GMPS: variants seen among roughly 807,000 people sequenced by gnomAD.
The protein encoded by GMPS is GMP synthase [glutamine-hydrolyzing].
GMPS carries 15 observed loss-of-function variants against 77.9 expected under a neutral mutation model. That is an observed-to-expected ratio of 0.19 (90% CI 0.13 to 0.30). The LOEUF is 0.30. Ranked by LOEUF, GMPS falls within the 10% of genes least tolerant of loss-of-function variation. The pLI is 1.00. For missense variants in GMPS, 590 were observed against 838.8 expected (o/e 0.70, Z 3.66); for synonymous variants, 224 against 275.9 (o/e 0.81, Z 1.86).
intron 5 of GMPS, among the ~76,000 whole-genome samples, chr3:155,908,005 G>A (rs1754935025): frequency 6.6e-6 from 1 of 152,016 alleles, no homozygotes; most frequent in African/African-American, 2.4e-5. Flanking sequence ...TTGGGCCACT[G>A]CAATACTTTG....
At chr3:155,870,116 G>C (rs1297428151), upstream of GMPS, among the ~76,000 whole-genome samples, 2 of 152,204 alleles carry the variant, frequency 1.3e-5, no homozygotes, top group Non-Finnish European at 2.9e-5. Context: ...AACTTTTGAA[G>C]TATCTAAGTG....
At position 155,933,884 on chromosome 3, in the gene GMPS, T is replaced by C. The variant is rs1416213828; in HGVS notation, c.1677-1032T>C. On this transcript the variant is annotated intron_variant, in intron 13 of 15. Coordinates refer to ENST00000496455, the MANE Select transcript of GMPS (RefSeq NM_003875.3). ...TTGTTAAAATTGTCTGATTCTAATT[T>C]CCTCAAGTTATGTTCCAAACTGTAC... Among the ~76,000 whole-genome samples, 4 of 152,226 alleles carry C rather than the reference T, an allele frequency of 2.6e-5. No homozygotes were observed. The East Asian group carries it at 7.7e-4, about 29-fold the overall frequency.
chr3:155,916,144 C>T lies in GMPS; in HGVS notation c.1164C>T (p.Ile388=). Residue 388 remains isoleucine, a synonymous_variant, in exon 9 of 16, where the codon ATC becomes ATT. Coordinates refer to ENST00000496455, the MANE Select transcript of GMPS (RefSeq NM_003875.3). ...TTGCAAGTGGCAAAGCTGAACTCATCAAAACCCATCACAATGACACAGAGC... is the reference window on the plus strand; with the variant it reads ...TTGCAAGTGGCAAAGCTGAACTCATTAAAACCCATCACAATGACACAGAGC... The part of the protein sequence containing the change: ...SLVASGKAEL[I]KTHHNDTELI... The T allele has an allele frequency of 6.2e-7, 1 of 1,613,528 alleles. No individual in the cohort carries two copies. The highest frequency in any genetic ancestry group is 1.1e-5 in the South Asian group (1 of 91,060).
intron 5 of GMPS, among the ~76,000 whole-genome samples, chr3:155,908,194 TG>T (rs1754942578): frequency 1.3e-5 from 2 of 152,304 alleles, no homozygotes; most frequent in African/African-American, 4.8e-5. Context: ...TAGTGATAGA[TG>T]CAGGAGGAAG....
chr3:155,926,096 T>G, intron 12 of GMPS, among the ~76,000 whole-genome samples: 1 of 152,146 alleles, frequency 6.6e-6, no homozygotes, highest in Non-Finnish European at 1.5e-5. Flanking sequence ...ACTGTAGCCC[T>G]GAATTCCTGG....
intron 5 of GMPS, 122 bp from the exon 6 acceptor site, chr3:155,910,570 A>AAAG (rs1467725397): frequency 0.017 from 3,602 of 209,302 alleles, 2 homozygotes; most frequent in South Asian, 0.067. Context: ...CTCTGTCTCA[A>AAAG]AAAAAAAAAA....
Position 155,911,119 on chromosome 3 carries a change from A to C in GMPS, c.726A>C (p.Leu242Phe). ...ERVGTSKVLV[L>F]LSGGVDSTVC... ...TTTTTCATTTTACCCCGTAGGTTTT[A>C]CTCAGTGGTGGAGTAGACTCAACAG... Residue 242 changes from leucine to phenylalanine, a missense_variant, in exon 7 of 16, where the codon TTA (leucine) becomes TTC (phenylalanine). By Grantham distance (22) the Leu-to-Phe change is conservative (BLOSUM62 0). Around this residue, in one of 6 missense-constraint regions of GMPS, gnomAD observed 181 missense variants for 186.8 expected, o/e 0.97. Transcript: ENST00000496455. 6.3e-7 allele frequency: 1 copy of C among 1,594,692 alleles called. No individual in the cohort carries two copies. The highest frequency in any genetic ancestry group is 8.5e-7 in the Non-Finnish European group (1 of 1,173,000).
chr3:155,913,459 C>CT (rs1379499831), intron 7 of GMPS, among the ~76,000 whole-genome samples: 2 of 151,716 alleles, frequency 1.3e-5, no homozygotes, highest in Admixed American at 1.3e-4. Context: ...GGCTAAGCTT[C>CT]TTGCTGTGGC....
intron 7 of GMPS, among the ~76,000 whole-genome samples, chr3:155,911,964 G>A (rs1012763714): frequency 2.6e-5 from 4 of 152,156 alleles, no homozygotes; most frequent in Middle Eastern, 6.8e-3. Context: ...GCTTATTGTG[G>A]GAGAGGTAAA....
intron 2 of GMPS, among the ~76,000 whole-genome samples, chr3:155,894,361 G>C (rs12490114): frequency 0.055 from 8,286 of 152,026 alleles, 318 homozygotes; most frequent in East Asian, 0.18. Context: ...GTAGCTGGAA[G>C]TACAGGCGGA....
chr3:155,914,544 A>G lies in GMPS; in HGVS notation c.1012A>G (p.Lys338Glu), dbSNP rs1755123174. ...GACCACAAGTCCTGAAGAGAAAAGA[A>G]AAATCATTGGGGATACTTTTGTTAA... ...NMTTSPEEKR[K>E]IIGDTFVKIA... The change falls in exon 8 of 16, where the codon AAA (lysine) becomes GAA (glutamate). Residue 338 changes from lysine (K) to glutamate (E), a missense_variant. Coordinates refer to ENST00000496455, the MANE Select transcript of GMPS (RefSeq NM_003875.3). 1 of 1,587,908 alleles carries G rather than the reference A, an allele frequency of 6.3e-7. No homozygotes were observed. The highest frequency in any genetic ancestry group is 1.8e-5 in the Admixed American group (1 of 54,202).
chr3:155,891,198 A>AAT (rs1410128509), intron 1 of GMPS, among the ~76,000 whole-genome samples: 1 of 152,222 alleles, frequency 6.6e-6, no homozygotes, highest in African/African-American at 2.4e-5. Flanking sequence ...CCTTGGTATA[A>AAT]ACCATGGTAA....
intron 5 of GMPS, 119 bp from the exon 6 acceptor site, chr3:155,910,568 CAAAAA>C (rs772197752): frequency 1.5e-3 from 388 of 265,810 alleles, no homozygotes; most frequent in South Asian, 2.2e-3. Flanking sequence ...GACTCTGTCT[CAAAAA>C]AAAAAAAAAA....
At chr3:155,905,124 T>C (rs1490473344) in intron 4 of GMPS, among the ~76,000 whole-genome samples, 1 of 151,952 alleles carries the variant, frequency 6.6e-6, no homozygotes, top group East Asian at 1.9e-4. Flanking sequence ...CGGGTTCAAG[T>C]GATTCTCCCA....
At chr3:155,902,285 G>A (rs1204540613) in intron 3 of GMPS, among the ~76,000 whole-genome samples, 1 of 152,168 alleles carries the variant, frequency 6.6e-6, no homozygotes, top group East Asian at 1.9e-4. Flanking sequence ...CAAGGGCCAA[G>A]TAAGGAAGTC....
intron 1 of GMPS, among the ~76,000 whole-genome samples, chr3:155,877,797 CTTTT>C (rs35973380): frequency 8.8e-5 from 10 of 113,080 alleles, no homozygotes; most frequent in Non-Finnish European, 1.7e-4. Context: ...ACCTTGGGGC[CTTTT>C]TTTTTTTTTT....
At chr3:155,891,674 T>C (rs1044604643) in intron 1 of GMPS, among the ~76,000 whole-genome samples, 2 of 151,426 alleles carry the variant, frequency 1.3e-5, no homozygotes, top group Non-Finnish European at 2.9e-5. Context: ...TGGCGTGATC[T>C]TGGCTCACGG....
At chr3:155,886,824 G>T (rs1754351250) in intron 1 of GMPS, among the ~76,000 whole-genome samples, 1 of 151,906 alleles carries the variant, frequency 6.6e-6, no homozygotes, top group Non-Finnish European at 1.5e-5. Flanking sequence ...ACTTAGCTGG[G>T]CTCACCTCTG....
chr3:155,872,076 G>A lies in GMPS; in HGVS notation c.27+1179G>A, dbSNP rs569265941. Among the ~76,000 whole-genome samples, 3 of 152,256 alleles carry A rather than the reference G, an allele frequency of 2.0e-5. No individual in the cohort carries two copies. In the East Asian group the frequency reaches 5.8e-4, roughly 29 times the overall value. ...AAACTTAATTAAATTTCATTCGGGG[G>A]GTGGGATTGTATACTTCGAGGTGGA... On this transcript the variant is annotated intron_variant, in intron 1 of 15. Coordinates refer to ENST00000496455, the MANE Select transcript of GMPS (RefSeq NM_003875.3).
Sources: gnomAD v4.1 joint callset for allele counts (sites outside exome capture counted in the v4.1 genomes callset) on GRCh38, gnomAD v4.1.1 for gene constraint, gnomAD v4.1.1 regional missense constraint, MANE v1.5 for transcripts, NCBI Gene and HGNC (gene_info 2026-07-23, HGNC 2026-07-21) for gene names.